Variants in TSHZ2 observed in about 807,000 individuals in gnomAD.
TSHZ2 encodes the protein teashirt homolog 2.
TSHZ2 carries 21 observed loss-of-function variants against 74.4 expected under a neutral mutation model. That is an observed-to-expected ratio of 0.28 (90% CI 0.20 to 0.41). The LOEUF is 0.41. Ranked by LOEUF, TSHZ2 falls within the 10% of genes least tolerant of loss-of-function variation. TSHZ2 has a pLI of 1.00. For synonymous variants in TSHZ2, 540 were observed against 515.3 expected (o/e 1.05, Z -0.65); for missense variants, 1,244 against 1,293.5 (o/e 0.96, Z 0.59).
intron 1 of TSHZ2, among the ~76,000 whole-genome samples, chr20:53,011,812 G>A (rs773230997): frequency 2.0e-5 from 3 of 152,194 alleles, no homozygotes; most frequent in Non-Finnish European, 4.4e-5. Context: ...TTTGGAAGCT[G>A]TACCTTTTGG....
At chr20:52,974,314 T>C (rs1240900685) in intron 1 of TSHZ2, among the ~76,000 whole-genome samples, 2 of 152,182 alleles carry the variant, frequency 1.3e-5, no homozygotes, top group African/African-American at 4.8e-5. Context: ...CTGCCTTTGA[T>C]CTATTCATTC....
chr20:53,019,050 GA>G (rs761031124), intron 1 of TSHZ2, among the ~76,000 whole-genome samples: 1 of 151,744 alleles, frequency 6.6e-6, no homozygotes, highest in Admixed American at 6.6e-5. Flanking sequence ...AACATTGGGA[GA>G]AAAAAAATGA....
intron 2 of TSHZ2, among the ~76,000 whole-genome samples, chr20:53,337,767 G>A (rs925491054): frequency 3.3e-5 from 5 of 152,222 alleles, no homozygotes; most frequent in Non-Finnish European, 5.9e-5. Flanking sequence ...GCTTTTTGAT[G>A]TAGAGTAGGG....
chr20:53,088,494 G>A lies in TSHZ2; in HGVS notation c.40+115161G>A, dbSNP rs189304166. Among the ~76,000 whole-genome samples, 32 of 152,240 alleles carry A rather than the reference G, an allele frequency of 2.1e-4. 1 individual carries two copies. In the East Asian group the frequency reaches 4.4e-3, roughly 21 times the overall value. On this transcript the variant is annotated intron_variant, in intron 1 of 2. Coordinates refer to ENST00000371497, the MANE Select transcript of TSHZ2 (RefSeq NM_173485.6). ...TTTGAATGGAATTGAGGATCTCAGC[G>A]TTGGCCCTCCGTCCTGCTGTTGTCA...
chr20:53,055,898 A>G (rs1446418550), intron 1 of TSHZ2, among the ~76,000 whole-genome samples: 1 of 152,186 alleles, frequency 6.6e-6, no homozygotes, highest in Non-Finnish European at 1.5e-5. Context: ...ACCCCAGGAG[A>G]CTTGAGCAGT....
chr20:53,391,407 AG>A (rs1198837513), intron 2 of TSHZ2, among the ~76,000 whole-genome samples: 2 of 151,106 alleles, frequency 1.3e-5, no homozygotes, highest in African/African-American at 4.9e-5. Context: ...AGCCTCCCAA[AG>A]TGCTGGGATT....
chr20:53,370,421 T>C (rs956089573), intron 2 of TSHZ2, among the ~76,000 whole-genome samples: 5 of 152,192 alleles, frequency 3.3e-5, no homozygotes, highest in African/African-American at 1.2e-4. Flanking sequence ...TCATGGTTTT[T>C]ATGTTAAATC....
At chr20:53,135,987 T>C (rs186654576) in intron 1 of TSHZ2, among the ~76,000 whole-genome samples, 17 of 152,294 alleles carry the variant, frequency 1.1e-4, no homozygotes, top group Admixed American at 8.5e-4. Flanking sequence ...TATCTAAAAG[T>C]GGTCAATTTA....
At chr20:53,213,136 T>C (rs1321019783) in intron 1 of TSHZ2, among the ~76,000 whole-genome samples, 4 of 152,218 alleles carry the variant, frequency 2.6e-5, no homozygotes, top group Non-Finnish European at 4.4e-5. Context: ...TATGGAGTTT[T>C]TCAATGTCTT....
intron 2 of TSHZ2, among the ~76,000 whole-genome samples, chr20:53,327,622 T>C (rs915945460): frequency 6.6e-6 from 1 of 152,248 alleles, no homozygotes; most frequent in African/African-American, 2.4e-5. Context: ...TACTCATTCA[T>C]TGATACAATA....
chr20:53,372,336 G>A (rs537972795), intron 2 of TSHZ2, among the ~76,000 whole-genome samples: 1 of 152,206 alleles, frequency 6.6e-6, no homozygotes, highest in South Asian at 2.1e-4. Context: ...AATTAGCCAG[G>A]CGTAGTGTCA....
rs187353552 is a variant in TSHZ2, at chr20:53,185,660, G to A, written c.41-67839G>A. On this transcript the variant is annotated intron_variant, in intron 1 of 2. Coordinates refer to ENST00000371497, the MANE Select transcript of TSHZ2 (RefSeq NM_173485.6). The stretch of plus-strand genomic sequence containing the variant: ...AGAAAGAAAAGATGATGGCTGCTGC[G>A]TTGCTCCATTATACAGGTACAACAG... 1.5e-4 allele frequency: 228 copies of A among 1,536,004 alleles called. No homozygotes were observed. In the East Asian group the frequency reaches 3.0e-3, roughly 20 times the overall value.
intron 2 of TSHZ2, among the ~76,000 whole-genome samples, chr20:53,278,877 A>G (rs913539157): frequency 6.6e-6 from 1 of 152,200 alleles, no homozygotes; most frequent in Non-Finnish European, 1.5e-5. Context: ...GATCCTCTGC[A>G]TAATCAAAAA....
intron 2 of TSHZ2, among the ~76,000 whole-genome samples, chr20:53,328,587 CAGT>C (rs1979590359): frequency 6.6e-6 from 1 of 152,174 alleles, no homozygotes; most frequent in Admixed American, 6.5e-5. Flanking sequence ...CATACAGAAT[CAGT>C]AGCAAAGCAT....
At chr20:53,366,386 G>T (rs1405502830) in intron 2 of TSHZ2, among the ~76,000 whole-genome samples, 1 of 152,170 alleles carries the variant, frequency 6.6e-6, no homozygotes, top group East Asian at 1.9e-4. Flanking sequence ...AGTGGGAAAG[G>T]TGTTTAGTCT....
At chr20:53,231,092 T>G (rs141949427) in intron 1 of TSHZ2, among the ~76,000 whole-genome samples, 2 of 152,292 alleles carry the variant, frequency 1.3e-5, no homozygotes, top group Non-Finnish European at 2.9e-5. Context: ...GCAACTTCAC[T>G]TTGTCTCCAC....
rs575294783 is a variant in TSHZ2 at position 53,189,026 on chromosome 20, C to A, written c.41-64473C>A. On this transcript the variant is annotated intron_variant, in intron 1 of 2. Coordinates refer to ENST00000371497, the MANE Select transcript of TSHZ2 (RefSeq NM_173485.6). ...GCACACAGCTTAGAAGTAGCAGATT[C>A]TTTCCTCATGCCATTTCTAATAGGT... 3.3e-5 allele frequency among the ~76,000 whole-genome samples: 5 copies of A among 152,306 alleles called. No homozygotes were observed. In the East Asian group the frequency reaches 5.8e-4, roughly 18 times the overall value.
intron 1 of TSHZ2, among the ~76,000 whole-genome samples, chr20:52,985,792 G>T (rs978500455): frequency 6.6e-6 from 1 of 152,302 alleles, no homozygotes; most frequent in African/African-American, 2.4e-5. Flanking sequence ...ACGGGGAAAG[G>T]TTAGAGAGCA....
rs1989097374 is a variant in TSHZ2 at position 53,204,281 on chromosome 20, AAC to A, written c.41-49216_41-49215del. ...ATGATATGATACTATATCATCATATAACATGATGATATGATACTATATCATCA... is the reference window on the plus strand; with the variant it reads ...ATGATATGATACTATATCATCATATAATGATGATATGATACTATATCATCA... On this transcript the variant is annotated intron_variant, in intron 1 of 2. Transcript: ENST00000371497. Among the ~76,000 whole-genome samples the A allele has an allele frequency of 1.8e-4, 6 of 34,060 alleles. 1 individual carries two copies. The highest frequency in any genetic ancestry group is 3.5e-4 in the African/African-American group (5 of 14,412). The allele number at this position is 34,060 out of a possible 152,430, so 22.3% of individuals were successfully genotyped here.
Sources: allele counts gnomAD v4.1 joint callset (sites outside exome capture counted in the v4.1 genomes callset), GRCh38; gene constraint gnomAD v4.1.1; transcripts MANE v1.5; gene names NCBI Gene and HGNC (gene_info 2026-07-23, HGNC 2026-07-21).